Variants in LRMDA observed in about 807,000 individuals in gnomAD.
LRMDA encodes the protein leucine-rich melanocyte differentiation-associated protein.
LRMDA carries 18 observed loss-of-function variants against 29.8 expected under a neutral mutation model. That is an observed-to-expected ratio of 0.60 (90% CI 0.42 to 0.90). The LOEUF (loss-of-function observed/expected upper bound fraction) is 0.90. Ranked by LOEUF, LRMDA falls within the 40% of genes least tolerant of loss-of-function variation. The probability of loss-of-function intolerance (pLI) is 0.00; values close to 1 mark genes in which losing one functional copy is unlikely to be tolerated. For synonymous variants in LRMDA, 125 were observed against 109.4 expected, an observed-to-expected ratio of 1.14 and a Z score of -0.89; for missense variants, 273 against 273.9, an observed-to-expected ratio of 1.00 and a Z score of 0.02.
intron 2 of LRMDA, among the ~76,000 whole-genome samples, chr10:75,503,578 T>C (rs1016499476): frequency 3.3e-5 from 5 of 152,210 alleles, no homozygotes; most frequent in South Asian, 2.1e-4. Context: ...TATTGGTTTA[T>C]AGAAGTTGCA....
chr10:76,122,836 G>A (rs1400648453), intron 5 of LRMDA, among the ~76,000 whole-genome samples: 3 of 152,120 alleles, frequency 2.0e-5, no homozygotes, highest in African/African-American at 7.2e-5. Context: ...AGGCTGCAAA[G>A]CTGATTCGGC....
At position 75,982,310 on chromosome 10, in the gene LRMDA, C is replaced by T. The variant is rs76592836; in HGVS notation, c.132-53698C>T. ...CTGTCTTCTCTCACTTGGAAAGGGG[C>T]GATTCCCCCTTACATTCCCTCTCAC... On this transcript the variant is annotated intron_variant, in intron 2 of 6. Coordinates refer to ENST00000611255, the MANE Select transcript of LRMDA (RefSeq NM_001305581.2). Among the ~76,000 whole-genome samples the T allele has an allele frequency of 3.3e-3, 503 of 152,260 alleles. 1 individual carries two copies. Among genetic ancestry groups the T allele is most frequent in the African/African-American group, 0.011 (471 of 41,546 alleles).
chr10:76,105,478 TC>T (rs1289622800), intron 5 of LRMDA, among the ~76,000 whole-genome samples: 1 of 152,074 alleles, frequency 6.6e-6, no homozygotes, highest in African/African-American at 2.4e-5. Flanking sequence ...AATGAAATCT[TC>T]CTATATTAGT....
chr10:76,179,999 A>G lies in LRMDA; in HGVS notation c.516+121216A>G, dbSNP rs1032829027. ...TCTCCAGAGCAGTGTATGAATCTAGATCTACCACAGGCTTTGGGGTCGTTA... is the reference window on the plus strand; with the variant it reads ...TCTCCAGAGCAGTGTATGAATCTAGGTCTACCACAGGCTTTGGGGTCGTTA... On this transcript the variant is annotated intron_variant, in intron 5 of 6. Transcript: ENST00000611255. Among the ~76,000 whole-genome samples the G allele has an allele frequency of 3.9e-5, 6 of 152,312 alleles. 1 individual carries two copies. The highest frequency in any genetic ancestry group is 4.1e-4 in the South Asian group (2 of 4,828).
At chr10:76,275,919 C>T (rs937186266) in intron 5 of LRMDA, among the ~76,000 whole-genome samples, 2 of 151,830 alleles carry the variant, frequency 1.3e-5, no homozygotes, top group African/African-American at 2.4e-5. Flanking sequence ...TCCTGTTTTC[C>T]AGGTTGGATA....
chr10:76,510,746 C>T (rs113092353), intron 6 of LRMDA, among the ~76,000 whole-genome samples: 4 of 152,270 alleles, frequency 2.6e-5, no homozygotes, highest in African/African-American at 9.6e-5. Flanking sequence ...CTTCCAGAGC[C>T]TGTGATCCCA....
intron 2 of LRMDA, among the ~76,000 whole-genome samples, chr10:75,702,417 G>A (rs1842319550): frequency 6.6e-6 from 1 of 152,168 alleles, no homozygotes; most frequent in Non-Finnish European, 1.5e-5. Context: ...TGATTGAAGT[G>A]AGTTCATCAG....
chr10:76,094,525 C>T (rs1017997793), intron 5 of LRMDA, among the ~76,000 whole-genome samples: 2 of 151,828 alleles, frequency 1.3e-5, no homozygotes, highest in Non-Finnish European at 2.9e-5. Flanking sequence ...TACACTATTG[C>T]TCATTATTAT....
chr10:76,465,521 T>C (rs2132312134), intron 6 of LRMDA, among the ~76,000 whole-genome samples: 1 of 152,230 alleles, frequency 6.6e-6, no homozygotes, highest in South Asian at 2.1e-4. Flanking sequence ...TACAACTACC[T>C]ATGAAAAAGG....
At chr10:75,577,434 G>A (rs979636486) in intron 2 of LRMDA, among the ~76,000 whole-genome samples, 8 of 152,168 alleles carry the variant, frequency 5.3e-5, no homozygotes, top group African/African-American at 1.7e-4. Context: ...TGAAAGTAAC[G>A]GGGAGGATGG....
intron 2 of LRMDA, among the ~76,000 whole-genome samples, chr10:75,989,129 T>C (rs1283839062): frequency 6.6e-6 from 1 of 152,204 alleles, no homozygotes; most frequent in Non-Finnish European, 1.5e-5. Flanking sequence ...GTTGTAGTCA[T>C]TGGGGTATCC....
At chr10:76,516,015 T>TA (rs1405327672) in intron 6 of LRMDA, among the ~76,000 whole-genome samples, 1 of 152,118 alleles carries the variant, frequency 6.6e-6, no homozygotes, top group Non-Finnish European at 1.5e-5. Flanking sequence ...GGGATATGAA[T>TA]AAAAAACTCC....
At chr10:75,894,549 T>C (rs917529581) in intron 2 of LRMDA, among the ~76,000 whole-genome samples, 1 of 152,176 alleles carries the variant, frequency 6.6e-6, no homozygotes, top group Admixed American at 6.5e-5. Flanking sequence ...CACCCAATAG[T>C]GGGAGAACCA....
At chr10:75,718,037 T>C (rs1241883405) in intron 2 of LRMDA, among the ~76,000 whole-genome samples, 2 of 152,208 alleles carry the variant, frequency 1.3e-5, no homozygotes, top group Non-Finnish European at 2.9e-5. Flanking sequence ...GAGTGCTTTG[T>C]AATCTGCTTT....
At chr10:76,523,227 C>T (rs1843139598) in intron 6 of LRMDA, among the ~76,000 whole-genome samples, 1 of 152,016 alleles carries the variant, frequency 6.6e-6, no homozygotes, top group Non-Finnish European at 1.5e-5. Context: ...CTTTATTGTC[C>T]TCCAGCCCCG....
intron 5 of LRMDA, among the ~76,000 whole-genome samples, chr10:76,176,591 C>T (rs369921963): frequency 2.0e-5 from 3 of 152,128 alleles, no homozygotes; most frequent in African/African-American, 4.8e-5. Flanking sequence ...TTCAGGAGTT[C>T]GAGACCGGCC....
chr10:76,291,363 T>C (rs1318350929), intron 5 of LRMDA, among the ~76,000 whole-genome samples: 1 of 152,226 alleles, frequency 6.6e-6, no homozygotes, highest in Non-Finnish European at 1.5e-5. Flanking sequence ...ATTTAAAATG[T>C]CATCTCAATC....
At chr10:76,476,385 C>A (rs1842671550) in intron 6 of LRMDA, among the ~76,000 whole-genome samples, 1 of 151,912 alleles carries the variant, frequency 6.6e-6, no homozygotes, top group Admixed American at 6.6e-5. Flanking sequence ...CAAAAACAGG[C>A]TCTGAAATTG....
intron 2 of LRMDA, among the ~76,000 whole-genome samples, chr10:75,925,286 AATTTG>A (rs1846101415): frequency 6.6e-6 from 1 of 152,022 alleles, no homozygotes; most frequent in African/African-American, 2.4e-5. Context: ...CGGTGAGGTT[AATTTG>A]GTCATCTTGC....
Sources: gnomAD v4.1 joint callset for allele counts (sites outside exome capture counted in the v4.1 genomes callset) on GRCh38, gnomAD v4.1.1 for gene constraint, MANE v1.5 for transcripts, NCBI Gene and HGNC (gene_info 2026-07-23, HGNC 2026-07-21) for gene names.